The following USP26 variants were observed in gnomAD, a reference collection of about 807,000 sequenced individuals.
The protein encoded by USP26 is ubiquitin specific peptidase 26.
For missense variants in USP26, 649 were observed against 642.3 expected (o/e 1.01, Z -0.11); for synonymous variants, 236 against 240.6 (o/e 0.98, Z 0.18).
intron 5 of USP26, among the ~76,000 whole-genome samples, chrX:133,036,504 G>T (rs187957223): frequency 1.3e-4 from 15 of 111,494 alleles, no homozygotes; most frequent in African/African-American, 4.9e-4. Flanking sequence ...CAAAGGACAT[G>T]AACTCATTCT....
intron 5 of USP26, among the ~76,000 whole-genome samples, chrX:133,036,018 G>A (rs765639542): frequency 3.6e-5 from 4 of 110,778 alleles, no homozygotes; most frequent in Non-Finnish European, 5.7e-5. Flanking sequence ...AATGTGGGCC[G>A]AGACAGGAGG....
chrX:133,065,056 T>C (rs893770486), intron 5 of USP26, among the ~76,000 whole-genome samples: 1 of 111,733 alleles, frequency 8.9e-6, no homozygotes, highest in Non-Finnish European at 1.9e-5. Context: ...TCATCACTGA[T>C]GCCACAGAAA....
chrX:133,053,536 T>TAAA (rs1569510312), intron 5 of USP26, among the ~76,000 whole-genome samples: 3 of 103,791 alleles, frequency 2.9e-5, no homozygotes, highest in African/African-American at 1.1e-4. Flanking sequence ...AGACTCTTTT[T>TAAA]TAAAAAAAAA....
intron 1 of USP26, among the ~76,000 whole-genome samples, chrX:133,091,709 C>T (rs1010320777): frequency 9.0e-6 from 1 of 111,264 alleles, no homozygotes; most frequent in African/African-American, 3.3e-5. Context: ...ATCTCTAGAA[C>T]TCTAGGAAGG....
chrX:133,067,691 G>A (rs2067516463), intron 5 of USP26, among the ~76,000 whole-genome samples: 1 of 111,681 alleles, frequency 9.0e-6, no homozygotes, highest in South Asian at 3.8e-4. Context: ...CATGGACACA[G>A]GAAGAAGAAC....
At position 133,025,892 on chromosome X, in the gene USP26, T is replaced by C. The variant is rs766020757; in HGVS notation, c.2329A>G (p.Lys777Glu). 1 of 1,211,324 alleles carries C rather than the reference T, an allele frequency of 8.3e-7. No homozygotes were observed. Among genetic ancestry groups the C allele is most frequent in the South Asian group, 1.8e-5 (1 of 56,906 alleles). The change falls in exon 6 of 6, where the codon AAA becomes GAA. Residue 777 changes from lysine to glutamate, a missense_variant. Coordinates refer to ENST00000511190, the MANE Select transcript of USP26 (RefSeq NM_031907.3). The stretch of plus-strand genomic sequence containing the variant: ...CTGTTAGACTTCTGTAGATTTAATT[T>C]TGTAGGTCTTAGGAGGTTCTTTGTG... ...GHTKNLLRPT[K>E]LNLQKSNRNS...
intron 5 of USP26, among the ~76,000 whole-genome samples, chrX:133,055,389 C>T (rs969515799): frequency 5.4e-5 from 6 of 111,350 alleles, no homozygotes; most frequent in Admixed American, 4.8e-4. Context: ...AATGCAAACC[C>T]CCATTGGCAG....
intron 1 of USP26, among the ~76,000 whole-genome samples, chrX:133,092,373 G>C: frequency 8.9e-6 from 1 of 111,928 alleles, no homozygotes; most frequent in East Asian, 2.8e-4. Context: ...TCGGAGGTTT[G>C]AGTTGTTCAC....
Position 133,028,132 on chromosome X carries a change from A to G in USP26, c.89T>C (p.Val30Ala). 2 of 1,210,754 alleles carry G rather than the reference A, an allele frequency of 1.7e-6. No homozygotes were observed. Among genetic ancestry groups the G allele is most frequent in the Non-Finnish European group, 2.2e-6 (2 of 895,051 alleles). The stretch of plus-strand genomic sequence containing the variant: ...CAGTCTATCTTTCTTCTTTCTTTCC[A>G]CTGCTTCAATGAATGCTTCTTTTGA... ...SKSKEAFIEA[V>A]ERKKKDRLVL... The change falls in exon 6 of 6, where the codon GTG (valine) becomes GCG (alanine). Residue 30 changes from valine (V) to alanine (A), a missense_variant. By Grantham distance (64) the Val-to-Ala change is moderately conservative (BLOSUM62 0). Coordinates refer to ENST00000511190, the MANE Select transcript of USP26 (RefSeq NM_031907.3).
At position 133,025,138 on chromosome X, in the gene USP26, G is replaced by A; in HGVS notation, c.*341C>T. 1 of 230,012 alleles carries A rather than the reference G, an allele frequency of 4.3e-6. No homozygotes were observed. The highest frequency in any genetic ancestry group is 8.7e-5 in the South Asian group (1 of 11,473). 19.0% of individuals were successfully genotyped at this position (230,012 alleles called of 1,213,427 possible). On this transcript the variant is annotated 3_prime_UTR_variant, in exon 6 of 6. Transcript: ENST00000511190. ...TCAGGAGGCTGAGAGAGAATCGCTT[G>A]ATGCCAGGAGTTTGAGGCTGCAGTG...
chrX:133,059,756 G>A (rs2067488722), intron 5 of USP26, among the ~76,000 whole-genome samples: 1 of 111,344 alleles, frequency 9.0e-6, no homozygotes, highest in South Asian at 3.8e-4. Flanking sequence ...CCATAAACGG[G>A]TTCAGGACCT....
At chrX:133,080,269 GAAGA>G (rs1440007992) in intron 5 of USP26, among the ~76,000 whole-genome samples, 4 of 111,430 alleles carry the variant, frequency 3.6e-5, no homozygotes. Flanking sequence ...AGGAGAATCA[GAAGA>G]AAGAAGGCAC....
At chrX:133,070,957 C>T (rs988785227) in intron 5 of USP26, among the ~76,000 whole-genome samples, 1 of 111,260 alleles carries the variant, frequency 9.0e-6, no homozygotes, top group African/African-American at 3.3e-5. Context: ...TGGCTCACTC[C>T]TGTAATCCCA....
intron 5 of USP26, among the ~76,000 whole-genome samples, chrX:133,076,771 T>A (rs2067550215): frequency 8.9e-6 from 1 of 111,732 alleles, no homozygotes; most frequent in South Asian, 3.8e-4. Flanking sequence ...ACATGAGTGA[T>A]CTTGGAAGCA....
At chrX:133,043,010 G>A (rs1300311843) in intron 5 of USP26, among the ~76,000 whole-genome samples, 1 of 111,788 alleles carries the variant, frequency 8.9e-6, no homozygotes, top group African/African-American at 3.3e-5. Context: ...GGAAAGGTAC[G>A]AAGTATTTCT....
At chrX:133,030,821 G>A (rs766392154) in intron 5 of USP26, among the ~76,000 whole-genome samples, 9 of 112,065 alleles carry the variant, frequency 8.0e-5, no homozygotes, top group Non-Finnish European at 1.7e-4. Context: ...TTTCTTTCAA[G>A]TATTTTGGTG....
chrX:133,044,481 G>A (rs979180661), intron 5 of USP26, among the ~76,000 whole-genome samples: 2 of 113,293 alleles, frequency 1.8e-5, no homozygotes, highest in African/African-American at 3.2e-5. Context: ...GTGGCTGGCC[G>A]GCCCTGCCGG....
At chrX:133,071,788 A>T (rs1041862084) in intron 5 of USP26, among the ~76,000 whole-genome samples, 1 of 111,278 alleles carries the variant, frequency 9.0e-6, no homozygotes, top group African/African-American at 3.3e-5. Context: ...GTCCTACCTT[A>T]TTGGATGCTT....
chrX:133,068,238 C>A (rs1357390555), intron 5 of USP26, among the ~76,000 whole-genome samples: 3 of 111,075 alleles, frequency 2.7e-5, no homozygotes, highest in African/African-American at 9.8e-5. Flanking sequence ...ACAATAGACA[C>A]CAGGGCCTAC....
Sources: allele counts gnomAD v4.1 joint callset (sites outside exome capture counted in the v4.1 genomes callset), GRCh38; gene constraint gnomAD v4.1.1; transcripts MANE v1.5; gene names NCBI Gene and HGNC (gene_info 2026-07-23, HGNC 2026-07-21).